DNAJB6: variants seen among roughly 807,000 people sequenced by gnomAD.
DNAJB6 encodes dnaJ homolog subfamily B member 6.
A neutral mutation model predicts 42.7 loss-of-function variants in DNAJB6; 16 were observed. The ratio of observed to expected loss-of-function variants is 0.37; its 90% CI spans 0.25 to 0.57. The LOEUF is 0.57. DNAJB6 is among the 20% of genes least tolerant of loss of function. DNAJB6 has a pLI of 0.74. For synonymous variants in DNAJB6, 170 were observed against 163.5 expected, an observed-to-expected ratio of 1.04 and a Z score of -0.30; for missense variants, 347 against 416.8, an observed-to-expected ratio of 0.83 and a Z score of 1.46.
chr7:157,362,530 A>G (rs543841830), intron 2 of DNAJB6, among the ~76,000 whole-genome samples: 27 of 152,118 alleles, frequency 1.8e-4, no homozygotes, highest in African/African-American at 6.0e-4. Flanking sequence ...AAGTACCACA[A>G]TGCCCGGCTA....
chr7:157,344,117 G>A (rs1798560220), intron 1 of DNAJB6, among the ~76,000 whole-genome samples: 1 of 152,170 alleles, frequency 6.6e-6, no homozygotes, highest in African/African-American at 2.4e-5. Flanking sequence ...AAGGTGGTCA[G>A]ATCACAAGGT....
chr7:157,401,237 GAGA>G (rs919452561), intron 8 of DNAJB6, among the ~76,000 whole-genome samples: 2 of 150,326 alleles, frequency 1.3e-5, no homozygotes, highest in African/African-American at 2.4e-5. Flanking sequence ...CTTTTTTTTT[GAGA>G]AGGAGTCTCA....
intron 1 of DNAJB6, chr7:157,337,486 T>TCGGCGGGGCC (rs1005581143): frequency 7.9e-5 from 12 of 151,450 alleles, no homozygotes; most frequent in Non-Finnish European, 1.5e-5. Flanking sequence ...CGGCTGGGGC[T>TCGGCGGGGCC]CGGCGGGGCC....
intron 1 of DNAJB6, among the ~76,000 whole-genome samples, chr7:157,353,092 A>G (rs1275052719): frequency 6.7e-6 from 1 of 149,608 alleles, no homozygotes; most frequent in African/African-American, 2.5e-5. Flanking sequence ...TTTTTTTTTT[A>G]ATTTTTAAAA....
chr7:157,352,042 A>G (rs1402513933), intron 1 of DNAJB6, among the ~76,000 whole-genome samples: 3 of 151,982 alleles, frequency 2.0e-5, no homozygotes, highest in African/African-American at 4.8e-5. Flanking sequence ...TTCTCAATTT[A>G]AAATATTTAC....
rs1441955904 is a variant in DNAJB6 at position 157,416,221 on chromosome 7, G to T, written c.*123G>T. 1 of 1,435,206 alleles carries T rather than the reference G, an allele frequency of 7.0e-7. No individual in the cohort carries two copies. The highest frequency in any genetic ancestry group is 1.4e-5 in the African/African-American group (1 of 70,666). 88.9% of individuals were successfully genotyped at this position (1,435,206 alleles called of 1,614,324 possible). A position where few individuals can be genotyped will look rare whatever the true frequency, so the allele number is the denominator to read the frequency against. Reference sequence around the variant, plus strand: ...ACTGTCTCGAGGCCACACTCGCTCGGCAGGATTATGCGATCACGGATCAGT... The same window carrying T: ...ACTGTCTCGAGGCCACACTCGCTCGTCAGGATTATGCGATCACGGATCAGT... On this transcript the variant is annotated 3_prime_UTR_variant, in exon 10 of 10. Coordinates refer to ENST00000262177, the MANE Select transcript of DNAJB6 (RefSeq NM_058246.4).
At chr7:157,359,852 T>C (rs1799490438) in intron 2 of DNAJB6, among the ~76,000 whole-genome samples, 1 of 152,186 alleles carries the variant, frequency 6.6e-6, no homozygotes, top group Non-Finnish European at 1.5e-5. Context: ...TGACGTTGCC[T>C]GAAGGTTATT....
intron 5 of DNAJB6, 165 bp from the exon 6 acceptor site, chr7:157,382,076 TGGTGA>T (rs1249094597): frequency 3.2e-5 from 18 of 568,482 alleles, no homozygotes; most frequent in Middle Eastern, 4.6e-4. Context: ...GTAAAACTGT[TGGTGA>T]GGTAGTGTTT....
At chr7:157,393,270 C>T (rs1353648419) in intron 8 of DNAJB6, among the ~76,000 whole-genome samples, 1 of 152,138 alleles carries the variant, frequency 6.6e-6, no homozygotes, top group African/African-American at 2.4e-5. Flanking sequence ...AGCCACTGCG[C>T]CTCGCCTATT....
intron 8 of DNAJB6, among the ~76,000 whole-genome samples, chr7:157,388,804 C>T (rs1801205877): frequency 6.6e-6 from 1 of 152,064 alleles, no homozygotes; most frequent in African/African-American, 2.4e-5. Context: ...GTATTTTTGT[C>T]ATCTCCTGTT....
At position 157,406,991 on chromosome 7, in the gene DNAJB6, C is replaced by T. The variant is rs765232235; in HGVS notation, c.692-2804C>T. On this transcript the variant is annotated intron_variant, in intron 8 of 9. Transcript: ENST00000262177. ...GACCCGCAGCCTGGCCCTCCCCAGG[C>T]GATGGCAGCCCCGGCTGACCCACAG... Among the ~76,000 whole-genome samples, 9 of 152,240 alleles carry T rather than the reference C, an allele frequency of 5.9e-5. No individual in the cohort carries two copies. In the East Asian group the frequency reaches 1.5e-3, roughly 26 times the overall value.
intron 1 of DNAJB6, chr7:157,337,675 C>A (rs1407559711): frequency 6.6e-6 from 1 of 152,236 alleles, no homozygotes; most frequent in African/African-American, 2.4e-5. Flanking sequence ...ACGGATTGTT[C>A]AGAAGTTTGT....
intron 1 of DNAJB6, among the ~76,000 whole-genome samples, chr7:157,341,458 A>T (rs897469406): frequency 6.6e-6 from 1 of 152,162 alleles, no homozygotes; most frequent in Non-Finnish European, 1.5e-5. Flanking sequence ...TTGCAAAATT[A>T]CGTGTCTTTG....
chr7:157,367,463 C>A lies in DNAJB6; in HGVS notation c.326C>A (p.Pro109Gln). 1 of 1,607,886 alleles carries A rather than the reference C, an allele frequency of 6.2e-7. No individual in the cohort carries two copies. The change falls in exon 5 of 10, where the codon CCA becomes CAA. Residue 109 changes from proline (P) to glutamine (Q), a missense_variant. Coordinates refer to ENST00000262177, the MANE Select transcript of DNAJB6 (RefSeq NM_058246.4). ...VFREFFGGRD[P>Q]FSFDFFEDPF... ...AGGGAATTTTTTGGTGGAAGGGACC[C>A]ATTTTCATTTGACTTCTTTGGTAAG...
chr7:157,371,101 C>T (rs987909930), intron 5 of DNAJB6, among the ~76,000 whole-genome samples: 25 of 152,280 alleles, frequency 1.6e-4, no homozygotes, highest in African/African-American at 5.8e-4. Flanking sequence ...GAACTGCACA[C>T]GCGAGGGACC....
rs541876936 is a variant in DNAJB6, at chr7:157,414,821, A to G, written c.899-1195A>G. Reference sequence around the variant, plus strand: ...AGCCACAGCACATTTGAAAGTCCACATGTGTTTGCCCCACTGTGGTCCAGG... The same window carrying G: ...AGCCACAGCACATTTGAAAGTCCACGTGTGTTTGCCCCACTGTGGTCCAGG... On this transcript the variant is annotated intron_variant, in intron 9 of 9. Transcript: ENST00000262177. The G allele has an allele frequency of 4.6e-5, 7 of 152,350 alleles. No homozygotes were observed. The South Asian group carries it at 1.5e-3, about 32-fold the overall frequency. 9.4% of individuals were successfully genotyped at this position (152,350 alleles called of 1,614,324 possible). A position where few individuals can be genotyped will look rare whatever the true frequency, so the allele number is the denominator to read the frequency against.
chr7:157,409,202 A>G (rs1490757029), intron 8 of DNAJB6, among the ~76,000 whole-genome samples: 1 of 152,102 alleles, frequency 6.6e-6, no homozygotes. Context: ...TAAAAGCACA[A>G]CTTTTCAGAG....
chr7:157,394,778 C>T (rs1801504734), intron 8 of DNAJB6, among the ~76,000 whole-genome samples: 1 of 152,030 alleles, frequency 6.6e-6, no homozygotes, highest in African/African-American at 2.4e-5. Flanking sequence ...GATTTTGTCC[C>T]CGCCTCTCAG....
chr7:157,355,942 ACCT>A (rs1799252351), intron 1 of DNAJB6, among the ~76,000 whole-genome samples: 1 of 152,034 alleles, frequency 6.6e-6, no homozygotes, highest in South Asian at 2.1e-4. Flanking sequence ...CCACGTTCTC[ACCT>A]CTGTGCTCAC....
Sources: allele counts gnomAD v4.1 joint callset (sites outside exome capture counted in the v4.1 genomes callset), GRCh38; gene constraint gnomAD v4.1.1; transcripts MANE v1.5; gene names NCBI Gene and HGNC (gene_info 2026-07-23, HGNC 2026-07-21).